The following DLGAP2 variants were observed in gnomAD, a reference collection of about 807,000 sequenced individuals.
DLGAP2 encodes disks large-associated protein 2.
In DLGAP2, 26 loss-of-function variants were observed where a neutral mutation model predicts 100.3. That is an observed-to-expected ratio of 0.26 (90% CI 0.19 to 0.36). DLGAP2 has a LOEUF of 0.36. DLGAP2 is among the 10% of genes least tolerant of loss of function. The probability of loss-of-function intolerance (pLI) is 1.00; values close to 1 mark genes in which losing one functional copy is unlikely to be tolerated. For missense variants in DLGAP2, 1,858 were observed against 1,453.2 expected (o/e 1.28, Z -4.53); for synonymous variants, 886 against 630.1 (o/e 1.41, Z -6.08).
At chr8:1,241,449 C>T (rs1798794931) in intron 2 of DLGAP2, among the ~76,000 whole-genome samples, 3 of 152,342 alleles carry the variant, frequency 2.0e-5, no homozygotes, top group African/African-American at 4.8e-5. Context: ...AGCTCTCTCA[C>T]ACCCTGACGC....
chr8:902,267 C>T (rs1326580746), intron 1 of DLGAP2, among the ~76,000 whole-genome samples: 7 of 152,058 alleles, frequency 4.6e-5, no homozygotes, highest in Non-Finnish European at 7.4e-5. Context: ...TCGCTGAGCC[C>T]CCATGGTATC....
At chr8:1,260,671 G>A (rs578222749) in intron 3 of DLGAP2, among the ~76,000 whole-genome samples, 5 of 152,020 alleles carry the variant, frequency 3.3e-5, no homozygotes, top group South Asian at 2.1e-4. Context: ...GTTTGGAGGC[G>A]AGGGTTTGGA....
chr8:833,401 G>C (rs995251733), intron 1 of DLGAP2, among the ~76,000 whole-genome samples: 12 of 152,216 alleles, frequency 7.9e-5, no homozygotes, highest in African/African-American at 2.7e-4. Flanking sequence ...AGCCAGGCCA[G>C]CTCCTCTTGA....
At chr8:804,043 G>A (rs6420231) in intron 1 of DLGAP2, among the ~76,000 whole-genome samples, 113,319 of 152,020 alleles carry the variant, frequency 0.75, 42,805 homozygotes, top group African/African-American at 0.84. Flanking sequence ...ATATGGTGGC[G>A]AGAGTGGTGT....
intron 1 of DLGAP2, among the ~76,000 whole-genome samples, chr8:861,117 G>T (rs1049959127): frequency 2.6e-5 from 4 of 152,152 alleles, no homozygotes; most frequent in African/African-American, 9.7e-5. Flanking sequence ...GGACCGGGTG[G>T]TGCAGGGCTC....
At chr8:1,372,212 C>T (rs1397121186) in intron 3 of DLGAP2, among the ~76,000 whole-genome samples, 3 of 87,906 alleles carry the variant, frequency 3.4e-5, no homozygotes, top group Non-Finnish European at 5.4e-5. Flanking sequence ...GTGCTGCCAA[C>T]GCTGGGACGC....
At chr8:1,130,922 T>C (rs934308492) in intron 2 of DLGAP2, among the ~76,000 whole-genome samples, 1 of 151,958 alleles carries the variant, frequency 6.6e-6, no homozygotes, top group Non-Finnish European at 1.5e-5. Flanking sequence ...GAGACGGGCC[T>C]CCCTGATGAG....
At chr8:1,041,299 G>A (rs900198309) in intron 2 of DLGAP2, among the ~76,000 whole-genome samples, 2 of 152,094 alleles carry the variant, frequency 1.3e-5, no homozygotes, top group Non-Finnish European at 2.9e-5. Context: ...GGAGGTGCGT[G>A]GAGATCGCCC....
chr8:857,328 T>C (rs1797297550), intron 1 of DLGAP2, among the ~76,000 whole-genome samples: 1 of 152,102 alleles, frequency 6.6e-6, no homozygotes, highest in Admixed American at 6.5e-5. Context: ...ATGAGAAAAA[T>C]TGAAATTGGA....
chr8:1,367,820 C>T (rs763716568), intron 3 of DLGAP2, among the ~76,000 whole-genome samples: 4 of 152,184 alleles, frequency 2.6e-5, no homozygotes, highest in Non-Finnish European at 5.9e-5. Flanking sequence ...GATTGTATCA[C>T]AAATAGCAAG....
chr8:1,634,774 C>T (rs1213914504), intron 8 of DLGAP2, among the ~76,000 whole-genome samples: 6 of 152,058 alleles, frequency 3.9e-5, no homozygotes, highest in Admixed American at 2.6e-4. Context: ...GTTTTTAGGA[C>T]TGTCATTATA....
chr8:926,967 G>A (rs888866233), intron 2 of DLGAP2: 134 of 954,740 alleles, frequency 1.4e-4, no homozygotes, highest in Non-Finnish European at 1.6e-4. Flanking sequence ...GGGACAGCGT[G>A]GGGGGAAGCC....
intron 2 of DLGAP2, among the ~76,000 whole-genome samples, chr8:1,229,617 C>T (rs991631419): frequency 5.9e-5 from 9 of 152,042 alleles, no homozygotes; most frequent in African/African-American, 2.2e-4. Flanking sequence ...CAGATGCAAA[C>T]ATTCTTAACA....
chr8:745,517 G>A (rs950158339), intron 1 of DLGAP2, among the ~76,000 whole-genome samples: 8 of 152,222 alleles, frequency 5.3e-5, no homozygotes, highest in African/African-American at 1.9e-4. Context: ...TTTCTCAAGA[G>A]TCGCAGCACT....
intron 2 of DLGAP2, among the ~76,000 whole-genome samples, chr8:972,759 C>A (rs1800046902): frequency 1.3e-5 from 2 of 152,134 alleles, no homozygotes; most frequent in African/African-American, 4.8e-5. Context: ...AGGCAGAGGA[C>A]CCTGCGGCCT....
intron 1 of DLGAP2, among the ~76,000 whole-genome samples, chr8:796,633 T>G (rs559830577): frequency 1.3e-5 from 2 of 152,338 alleles, no homozygotes; most frequent in African/African-American, 4.8e-5. Context: ...CTCCTGTCCC[T>G]GCTGGAATGC....
intron 2 of DLGAP2, among the ~76,000 whole-genome samples, chr8:1,122,004 A>G (rs1209071078): frequency 1.3e-5 from 2 of 152,162 alleles, no homozygotes; most frequent in African/African-American, 2.4e-5. Context: ...ACAGAATTTC[A>G]TTTAATGGGA....
At chr8:930,987 G>C (rs897448507) in intron 2 of DLGAP2, among the ~76,000 whole-genome samples, 13 of 152,168 alleles carry the variant, frequency 8.5e-5, no homozygotes, top group Admixed American at 2.0e-4. Flanking sequence ...CATTCTTCTG[G>C]GTTTCCTTAA....
intron 1 of DLGAP2, among the ~76,000 whole-genome samples, chr8:902,177 C>T (rs1013918974): frequency 6.6e-6 from 1 of 152,216 alleles, no homozygotes; most frequent in Non-Finnish European, 1.5e-5. Context: ...GATCCAAGCC[C>T]GGCCGCTCCC....
Sources: allele counts gnomAD v4.1 joint callset (sites outside exome capture counted in the v4.1 genomes callset), GRCh38; gene constraint gnomAD v4.1.1; transcripts MANE v1.5; gene names NCBI Gene and HGNC (gene_info 2026-07-23, HGNC 2026-07-21).